LINGO2: variants seen among roughly 807,000 people sequenced by gnomAD.
LINGO2 encodes leucine rich repeat and Ig domain containing 2, also known as leucine-rich repeat and immunoglobulin-like domain-containing nogo receptor-interacting protein 2.
A neutral mutation model predicts 30.6 loss-of-function variants in LINGO2; 14 were observed. The ratio of observed to expected loss-of-function variants is 0.46; its 90% CI spans 0.30 to 0.72. LINGO2 has a LOEUF of 0.72. LINGO2 is among the 30% of genes least tolerant of loss of function. LINGO2 has a pLI of 0.07. For missense variants in LINGO2, 729 were observed against 751.7 expected (o/e 0.97, Z 0.35); for synonymous variants, 317 against 288.5 (o/e 1.10, Z -1.00).
chr9:28,167,473 A>C (rs1828463909), intron 4 of LINGO2, among the ~76,000 whole-genome samples: 1 of 152,114 alleles, frequency 6.6e-6, no homozygotes, highest in East Asian at 1.9e-4. Context: ...CTCCACCTCC[A>C]GGATTCAAGC....
At chr9:28,069,883 A>G (rs1825421807) in intron 4 of LINGO2, among the ~76,000 whole-genome samples, 1 of 152,206 alleles carries the variant, frequency 6.6e-6, no homozygotes, top group Admixed American at 6.5e-5. Context: ...CCAAATAGCC[A>G]TGTGGAAAGT....
At chr9:28,712,760 G>A in the LINGO2 span, among the ~76,000 whole-genome samples, 2 of 151,814 alleles carry the variant, frequency 1.3e-5, no homozygotes, top group Non-Finnish European at 2.9e-5. Flanking sequence ...TTTCAAATAT[G>A]TAGCAAACAT....
At chr9:28,761,086 T>G in the LINGO2 span, among the ~76,000 whole-genome samples, 1 of 151,798 alleles carries the variant, frequency 6.6e-6, no homozygotes, top group Non-Finnish European at 1.5e-5. Context: ...GCAAGTATCT[T>G]TTTCGAATAA....
chr9:28,903,632 C>A, the LINGO2 span, among the ~76,000 whole-genome samples: 1 of 152,052 alleles, frequency 6.6e-6, no homozygotes, highest in Admixed American at 6.6e-5. Flanking sequence ...CCTCCTGCTA[C>A]CATGCTTGGC....
chr9:29,054,186 C>T, the LINGO2 span, among the ~76,000 whole-genome samples: 1 of 152,024 alleles, frequency 6.6e-6, no homozygotes, highest in African/African-American at 2.4e-5. Context: ...TTCTAGAAAA[C>T]AGTAGCAGCC....
At chr9:28,903,492 T>C in the LINGO2 span, among the ~76,000 whole-genome samples, 1 of 152,202 alleles carries the variant, frequency 6.6e-6, no homozygotes, top group Non-Finnish European at 1.5e-5. Context: ...CATTCATTTA[T>C]AGAGACAGGG....
At chr9:29,061,313 A>T in the LINGO2 span, among the ~76,000 whole-genome samples, 1 of 151,908 alleles carries the variant, frequency 6.6e-6, no homozygotes, top group Non-Finnish European at 1.5e-5. Context: ...CAAAATCCCA[A>T]CGTTTTCTGC....
At chr9:28,132,504 G>A (rs1007055173) in intron 4 of LINGO2, among the ~76,000 whole-genome samples, 2 of 152,120 alleles carry the variant, frequency 1.3e-5, no homozygotes, top group Non-Finnish European at 2.9e-5. Flanking sequence ...ACCATTGCAG[G>A]TACTTCAGTT....
At chr9:28,990,063 C>G in the LINGO2 span, among the ~76,000 whole-genome samples, 5 of 152,204 alleles carry the variant, frequency 3.3e-5, no homozygotes, top group Admixed American at 3.3e-4. Context: ...TTGCAGTGCA[C>G]CATGCGTGAG....
At chr9:28,325,028 A>G (rs546255852) in intron 3 of LINGO2, among the ~76,000 whole-genome samples, 12 of 151,332 alleles carry the variant, frequency 7.9e-5, no homozygotes, top group South Asian at 4.2e-4. Flanking sequence ...TCTTCCACGT[A>G]TCTCTCTTTC....
chr9:28,506,285 T>G (rs1336585418), intron 1 of LINGO2, among the ~76,000 whole-genome samples: 1 of 150,912 alleles, frequency 6.6e-6, no homozygotes, highest in Non-Finnish European at 1.5e-5. Context: ...ATGTGAATAT[T>G]ATACTCTATT....
At chr9:28,828,212 A>G in the LINGO2 span, among the ~76,000 whole-genome samples, 9 of 152,014 alleles carry the variant, frequency 5.9e-5, no homozygotes, top group Admixed American at 3.3e-4. Context: ...TCTGAATCCA[A>G]CTAGACCAGG....
the LINGO2 span, among the ~76,000 whole-genome samples, chr9:28,832,193 G>T: frequency 6.6e-6 from 1 of 152,054 alleles, no homozygotes; most frequent in Non-Finnish European, 1.5e-5. Flanking sequence ...AAAGCAGTTG[G>T]AGTTGGCAAG....
At chr9:28,734,844 A>C in the LINGO2 span, among the ~76,000 whole-genome samples, 1 of 152,178 alleles carries the variant, frequency 6.6e-6, no homozygotes, top group African/African-American at 2.4e-5. Context: ...GTATTTATAG[A>C]ATGGATTCAT....
the LINGO2 span, among the ~76,000 whole-genome samples, chr9:29,053,116 A>G: frequency 6.6e-6 from 1 of 152,132 alleles, no homozygotes; most frequent in Admixed American, 6.6e-5. Flanking sequence ...AAGCAATTCA[A>G]TTACAATGTA....
the LINGO2 span, among the ~76,000 whole-genome samples, chr9:28,831,825 GTTTGT>G: frequency 6.6e-6 from 1 of 151,976 alleles, no homozygotes; most frequent in African/African-American, 2.4e-5. Flanking sequence ...GAAAACTTTT[GTTTGT>G]TTTGTTTTGT....
rs551005619 is a variant in LINGO2 at position 28,486,336 on chromosome 9, T to C, written c.-364-10311A>G. Among the ~76,000 whole-genome samples, 4 of 152,296 alleles carry C rather than the reference T, an allele frequency of 2.6e-5. No homozygotes were observed. The South Asian group carries it at 8.3e-4, about 32-fold the overall frequency. On this transcript the variant is annotated intron_variant, in intron 1 of 5. Coordinates refer to ENST00000379992, the Ensembl canonical transcript of LINGO2. ...AAAAGTAAATGTAGGTCGTTATGTT[T>C]GGCAATTTGTGTGTTGCAAATGACT... is the stretch of plus-strand genomic sequence containing the variant.
chr9:28,584,792 GAA>G (rs1347492220), intron 1 of LINGO2, among the ~76,000 whole-genome samples: 1 of 152,004 alleles, frequency 6.6e-6, no homozygotes, highest in Non-Finnish European at 1.5e-5. Flanking sequence ...AAATTCATGA[GAA>G]TGCTATTATT....
intron 4 of LINGO2, among the ~76,000 whole-genome samples, chr9:28,217,297 A>T (rs1820801113): frequency 6.6e-6 from 1 of 151,836 alleles, no homozygotes; most frequent in South Asian, 2.1e-4. Context: ...TTATCCTTTA[A>T]GTTAAACACC....
Sources: allele counts gnomAD v4.1 joint callset (sites outside exome capture counted in the v4.1 genomes callset), GRCh38; gene constraint gnomAD v4.1.1; transcripts MANE v1.5; gene names NCBI Gene and HGNC (gene_info 2026-07-23, HGNC 2026-07-21).